BCOR: variants seen among roughly 807,000 people sequenced by gnomAD.
BCOR encodes BCL6 corepressor, also known as BCL-6 corepressor.
In BCOR, 10 loss-of-function variants were observed where a neutral mutation model predicts 86.7. The observed-to-expected ratio is 0.12, with a 90% confidence interval of 0.07 to 0.20. BCOR has a LOEUF of 0.20. Ranked by LOEUF, BCOR falls within the 10% of genes least tolerant of loss-of-function variation. The probability of loss-of-function intolerance (pLI) is 1.00; values close to 1 mark genes in which losing one functional copy is unlikely to be tolerated. For missense variants in BCOR, 1,259 were observed against 1,452.1 expected, an observed-to-expected ratio of 0.87 and a Z score of 2.16; for synonymous variants, 611 against 609.0, an observed-to-expected ratio of 1.00 and a Z score of -0.05.
chrX:40,126,013 C>A (rs1448497218), intron 1 of BCOR, among the ~76,000 whole-genome samples: 1 of 108,167 alleles, frequency 9.2e-6, no homozygotes, highest in African/African-American at 3.4e-5. Context: ...AGATTGAGAC[C>A]ATCCTGGCCA....
chrX:40,062,132 G>A lies in BCOR; in HGVS notation c.4428+7C>T, dbSNP rs2146997366. 1 of 1,197,882 alleles carries A rather than the reference G, an allele frequency of 8.3e-7. No individual in the cohort carries two copies. The highest frequency in any genetic ancestry group is 1.1e-6 in the Non-Finnish European group (1 of 888,952). ...TGCAGCCCCAGGGAGCGCCCACAGG[G>A]ACACACCTCATAGCCAAGCCTGGCT... On this transcript the variant is annotated splice_region_variant and intron_variant, in intron 10 of 14. Transcript: ENST00000378444.
intron 1 of BCOR, among the ~76,000 whole-genome samples, chrX:40,162,916 T>C (rs1391782295): frequency 9.0e-6 from 1 of 111,614 alleles, no homozygotes; most frequent in Non-Finnish European, 1.9e-5. Flanking sequence ...AAACTCTCCA[T>C]TCAGGGGTTA....
chrX:40,057,189 C>T lies in BCOR; in HGVS notation c.4561G>A (p.Ala1521Thr), dbSNP rs764494664. 1.7e-6 allele frequency: 2 copies of T among 1,211,841 alleles called. No individual in the cohort carries two copies. The highest frequency in any genetic ancestry group is 3.5e-5 in the South Asian group (2 of 57,000). ...NIVRHLLEYG[A>T]DVNCSAQDGT... ...TCCTGGGCACTACAGTTGACATCAG[C>T]GCCATATTCAAGGAGGTGTCGCACA... Residue 1521 changes from alanine to threonine, a missense_variant, in exon 11 of 15, where the codon GCT becomes ACT. Physicochemically the swap from Ala to Thr is moderately conservative, Grantham distance 58. This residue lies in a region of BCOR where 47 missense variants were observed against 102.1 expected (regional missense o/e 0.46). Transcript: ENST00000378444.
chrX:40,070,409 G>T (rs1208555121), intron 6 of BCOR, among the ~76,000 whole-genome samples: 1 of 112,002 alleles, frequency 8.9e-6, no homozygotes, highest in Middle Eastern at 4.6e-3. Flanking sequence ...TACTGAGGAA[G>T]ATACTAGCCT....
chrX:40,157,117 A>G (rs1443654116), intron 1 of BCOR, among the ~76,000 whole-genome samples: 1 of 113,401 alleles, frequency 8.8e-6, no homozygotes, highest in Non-Finnish European at 1.9e-5. Flanking sequence ...GCCTGGCTCC[A>G]AAGGGCTGAT....
chrX:40,109,875 A>AGCGCGGGAAGC (rs1467797745), intron 1 of BCOR, among the ~76,000 whole-genome samples: 1 of 109,041 alleles, frequency 9.2e-6, no homozygotes, highest in African/African-American at 3.4e-5. Flanking sequence ...GGGAGAGGGG[A>AGCGCGGGAAGC]GCGCGGGAAG....
At chrX:40,158,853 C>T (rs1190836830) in intron 1 of BCOR, among the ~76,000 whole-genome samples, 1 of 112,408 alleles carries the variant, frequency 8.9e-6, no homozygotes, top group Non-Finnish European at 1.9e-5. Context: ...TGTGTTAGGA[C>T]CTAGGGGGAT....
chrX:40,052,155 A>G lies in BCOR; in HGVS notation c.5222T>C (p.Val1741Ala). 1 of 1,205,417 alleles carries G rather than the reference A, an allele frequency of 8.3e-7. No individual in the cohort carries two copies. Among genetic ancestry groups the G allele is most frequent in the South Asian group, 1.8e-5 (1 of 55,780 alleles). ...CAGATCACTGGGGTGGAGCCACTCT[A>G]CAGAGGAGCCCAGCAGAGTCTGAAT... is the stretch of plus-strand genomic sequence containing the variant. ...NEIQTLLGSS[V>A]EWLHPSDLAS... Residue 1741 changes from valine to alanine, a missense_variant, in exon 15 of 15, where the codon GTA (valine) becomes GCA (alanine). Physicochemically the swap from Val to Ala is moderately conservative, Grantham distance 64 (BLOSUM62 0). This residue lies in a region of BCOR where 137 missense variants were observed against 149.8 expected (regional missense o/e 0.91). Transcript: ENST00000378444.
chrX:40,124,496 C>G (rs1442982374), intron 1 of BCOR, among the ~76,000 whole-genome samples: 7 of 111,166 alleles, frequency 6.3e-5, no homozygotes, highest in Admixed American at 1.9e-4. Flanking sequence ...CTCCTGGGCT[C>G]GAGTGATCCG....
intron 1 of BCOR, among the ~76,000 whole-genome samples, chrX:40,152,957 G>A (rs981417176): frequency 2.7e-5 from 3 of 112,752 alleles, no homozygotes; most frequent in Admixed American, 1.8e-4. Flanking sequence ...AGTGGGGGGT[G>A]AAACCGCTCA....
chrX:40,054,359 CA>C (rs1021526994), intron 12 of BCOR, 26 bp from the exon 13 acceptor site: 27 of 1,143,060 alleles, frequency 2.4e-5, no homozygotes, highest in Non-Finnish European at 2.5e-5. Context: ...AATAAAAAAA[CA>C]AGATAAAATC....
intron 1 of BCOR, among the ~76,000 whole-genome samples, chrX:40,120,950 G>A (rs770287305): frequency 4.5e-5 from 5 of 111,314 alleles, no homozygotes; most frequent in Admixed American, 9.6e-5. Context: ...CAACGGAGCC[G>A]GGGGAGCAAG....
chrX:40,156,215 GTAAT>G (rs1180059047), intron 1 of BCOR, among the ~76,000 whole-genome samples: 3 of 113,057 alleles, frequency 2.7e-5, no homozygotes, highest in East Asian at 5.6e-4. Flanking sequence ...GACTCCTAGC[GTAAT>G]TAAAGATCTG....
intron 10 of BCOR, among the ~76,000 whole-genome samples, chrX:40,059,691 CTG>C (rs1934773112): frequency 8.8e-6 from 1 of 113,391 alleles, no homozygotes; most frequent in Non-Finnish European, 1.9e-5. Flanking sequence ...CAAAATCAAA[CTG>C]TTTTTGTTGG....
chrX:40,154,611 C>T (rs1938247551), intron 1 of BCOR, among the ~76,000 whole-genome samples: 1 of 107,629 alleles, frequency 9.3e-6, no homozygotes, highest in South Asian at 4.3e-4. Context: ...CTCCAGTTTC[C>T]AAAATAGAAA....
chrX:40,100,173 T>C (rs1490390951), upstream of BCOR, among the ~76,000 whole-genome samples: 3 of 113,001 alleles, frequency 2.7e-5, no homozygotes. Context: ...CAACATTTCT[T>C]TTTGAAGCGA....
rs200417267 is a variant in BCOR, at chrX:40,074,483, G to A, written c.863C>T (p.Pro288Leu). The A allele has an allele frequency of 1.1e-5, 13 of 1,204,400 alleles. No individual in the cohort carries two copies. Among genetic ancestry groups the A allele is most frequent in the Admixed American group, 6.7e-5 (3 of 45,006 alleles). ...CCCAGGGCTGACGCCCATCTTCCAC[G>A]GGAGGCTTTTGTCTGCGCAATGGAC... The part of the protein sequence containing the change: ...PLVHCADKSL[P>L]WKMGVSPGNP... The change falls in exon 4 of 15, where the codon CCG becomes CTG. Residue 288 changes from proline to leucine, a missense_variant. Pro to Leu is a moderately conservative substitution (Grantham distance 98, BLOSUM62 -3). This residue lies in a region of BCOR where 534 missense variants were observed against 594.8 expected (regional missense o/e 0.90). Transcript: ENST00000378444.
chrX:40,074,590 G>A lies in BCOR; in HGVS notation c.756C>T (p.Tyr252=), dbSNP rs1199497499. The A allele has an allele frequency of 6.6e-6, 8 of 1,210,893 alleles. No homozygotes were observed. The highest frequency in any genetic ancestry group is 2.2e-5 in the Admixed American group (1 of 45,943). The change falls in exon 4 of 15, where the codon TAC becomes TAT. Residue 252 remains tyrosine, a synonymous_variant. Transcript: ENST00000378444. The stretch of plus-strand genomic sequence containing the variant: ...AGGACGATGGGATGTGGGGACCGAC[G>A]TAGTGAGGTGGCGGCAGGTAGAGAA... The part of the protein sequence containing the change: ...ERFLYLPPPH[Y]VGPHIPSSLA...
chrX:40,114,686 T>C (rs960046301), intron 1 of BCOR, among the ~76,000 whole-genome samples: 4 of 111,403 alleles, frequency 3.6e-5, no homozygotes, highest in African/African-American at 1.3e-4. Context: ...TGCGCTGTTT[T>C]TGATAGCAAA....
Sources: gnomAD v4.1 joint callset for allele counts (sites outside exome capture counted in the v4.1 genomes callset) on GRCh38, gnomAD v4.1.1 for gene constraint, gnomAD v4.1.1 regional missense constraint, MANE v1.5 for transcripts, NCBI Gene and HGNC (gene_info 2026-07-23, HGNC 2026-07-21) for gene names.